The following TMEM163 variants were observed in gnomAD, a reference collection of about 807,000 sequenced individuals.
TMEM163 encodes the protein transmembrane protein 163.
A neutral mutation model predicts 29.3 loss-of-function variants in TMEM163; 17 were observed. The ratio of observed to expected loss-of-function variants is 0.58; its 90% CI spans 0.40 to 0.87. The LOEUF is 0.87. Ranked by LOEUF, TMEM163 falls within the 40% of genes least tolerant of loss-of-function variation. The pLI, the probability that TMEM163 is intolerant of heterozygous loss-of-function variation, is 0.00. For synonymous variants in TMEM163, 157 were observed against 160.6 expected (o/e 0.98, Z 0.17); for missense variants, 303 against 381.5 (o/e 0.79, Z 1.71).
At chr2:134,665,869 C>T (rs550798621) in intron 2 of TMEM163, among the ~76,000 whole-genome samples, 2 of 152,180 alleles carry the variant, frequency 1.3e-5, no homozygotes, top group African/African-American at 4.8e-5. Flanking sequence ...TAAGCTCCAC[C>T]TGGCTTGTGG....
At chr2:134,542,660 G>T (rs1680701813) in intron 4 of TMEM163, among the ~76,000 whole-genome samples, 1 of 152,082 alleles carries the variant, frequency 6.6e-6, no homozygotes, top group Non-Finnish European at 1.5e-5. Context: ...CCCAACCCCA[G>T]TCCGCGGAAA....
At chr2:134,554,556 C>T (rs906400211) in intron 2 of TMEM163, among the ~76,000 whole-genome samples, 33 of 152,194 alleles carry the variant, frequency 2.2e-4, no homozygotes, top group African/African-American at 7.7e-4. Context: ...TCCCCCGACT[C>T]GCTATGGCAG....
At chr2:134,556,027 G>T (rs1160067561) in intron 2 of TMEM163, among the ~76,000 whole-genome samples, 1 of 152,186 alleles carries the variant, frequency 6.6e-6, no homozygotes, top group East Asian at 1.9e-4. Context: ...ATATTGGAAC[G>T]GGGATGTCTT....
intron 5 of TMEM163, among the ~76,000 whole-genome samples, chr2:134,482,287 T>G (rs1342233926): frequency 6.6e-6 from 1 of 152,154 alleles, no homozygotes; most frequent in Non-Finnish European, 1.5e-5. Context: ...TTAAGCTTAT[T>G]CCTCATCAAG....
intron 2 of TMEM163, among the ~76,000 whole-genome samples, chr2:134,628,408 C>G (rs1229549090): frequency 2.0e-5 from 3 of 152,262 alleles, no homozygotes; most frequent in Non-Finnish European, 4.4e-5. Flanking sequence ...TTGCAATAGT[C>G]TCTCTGGTAA....
intron 4 of TMEM163, among the ~76,000 whole-genome samples, chr2:134,537,978 A>T (rs1458058876): frequency 1.3e-5 from 2 of 152,238 alleles, no homozygotes; most frequent in Non-Finnish European, 2.9e-5. Context: ...GTTGGCAAGG[A>T]TGAGAAGTTG....
At chr2:134,570,576 C>T (rs1681400551) in intron 2 of TMEM163, among the ~76,000 whole-genome samples, 2 of 151,876 alleles carry the variant, frequency 1.3e-5, no homozygotes, top group Middle Eastern at 3.4e-3. Flanking sequence ...AAAAGAAAGC[C>T]TCTTTTTTTC....
intron 6 of TMEM163, among the ~76,000 whole-genome samples, chr2:134,461,944 A>T (rs754372126): frequency 1.3e-5 from 2 of 152,182 alleles, no homozygotes; most frequent in Non-Finnish European, 1.5e-5. Context: ...TTCCAAAGTG[A>T]GGAAAGAACA....
chr2:134,705,213 A>T (rs945896870), intron 2 of TMEM163, among the ~76,000 whole-genome samples: 2 of 152,004 alleles, frequency 1.3e-5, no homozygotes, highest in Admixed American at 6.6e-5. Context: ...CCATCTCAAA[A>T]AAAAAAAAAA....
intron 4 of TMEM163, among the ~76,000 whole-genome samples, chr2:134,514,544 T>A (rs1680015450): frequency 6.6e-6 from 1 of 152,170 alleles, no homozygotes; most frequent in Non-Finnish European, 1.5e-5. Context: ...CTGGGCCACA[T>A]GGTCAATGCA....
chr2:134,628,523 T>G (rs1406734918), intron 2 of TMEM163, among the ~76,000 whole-genome samples: 1 of 152,234 alleles, frequency 6.6e-6, no homozygotes, highest in Non-Finnish European at 1.5e-5. Flanking sequence ...TCTGAGGGAC[T>G]GGAGTGTGAT....
At chr2:134,702,430 A>C (rs886736608) in intron 2 of TMEM163, among the ~76,000 whole-genome samples, 8 of 152,328 alleles carry the variant, frequency 5.3e-5, no homozygotes, top group African/African-American at 1.9e-4. Flanking sequence ...AGACTGCTTG[A>C]GCCCAGGACT....
intron 2 of TMEM163, among the ~76,000 whole-genome samples, chr2:134,568,298 G>T (rs1038601035): frequency 6.6e-6 from 1 of 152,144 alleles, no homozygotes. Flanking sequence ...GCAGAGGCAG[G>T]CAGGTCACTT....
At chr2:134,555,521 C>T (rs1681031131) in intron 2 of TMEM163, among the ~76,000 whole-genome samples, 1 of 152,206 alleles carries the variant, frequency 6.6e-6, no homozygotes, top group East Asian at 1.9e-4. Flanking sequence ...GTTCTGAACT[C>T]GGACAATTAT....
At chr2:134,651,887 C>A (rs1683487937) in intron 2 of TMEM163, among the ~76,000 whole-genome samples, 1 of 113,108 alleles carries the variant, frequency 8.8e-6, no homozygotes, top group South Asian at 3.3e-4. Flanking sequence ...GGGCTCTGTT[C>A]TGTTCCATTG....
intron 5 of TMEM163, among the ~76,000 whole-genome samples, chr2:134,496,084 C>T (rs483932): frequency 0.02 from 2,958 of 147,782 alleles, 47 homozygotes; most frequent in Middle Eastern, 0.039. Flanking sequence ...TTTTTTGAGA[C>T]GGAGTCTCGC....
At chr2:134,628,825 G>A (rs1052438583) in intron 2 of TMEM163, among the ~76,000 whole-genome samples, 1 of 152,180 alleles carries the variant, frequency 6.6e-6, no homozygotes, top group Admixed American at 6.5e-5. Context: ...TCTGAGTCTT[G>A]TGGGTCCTTC....
At chr2:134,491,967 C>G (rs1679439309) in intron 5 of TMEM163, among the ~76,000 whole-genome samples, 1 of 152,176 alleles carries the variant, frequency 6.6e-6, no homozygotes, top group Admixed American at 6.5e-5. Flanking sequence ...GCCCGTGCTT[C>G]CAGAGGTTTA....
intron 2 of TMEM163, among the ~76,000 whole-genome samples, chr2:134,625,639 C>T (rs1682832882): frequency 6.6e-6 from 1 of 152,266 alleles, no homozygotes; most frequent in Admixed American, 6.5e-5. Flanking sequence ...AGCTCAAAAC[C>T]CAAATAGGTC....
Sources: allele counts gnomAD v4.1 joint callset (sites outside exome capture counted in the v4.1 genomes callset), GRCh38; gene constraint gnomAD v4.1.1; transcripts MANE v1.5; gene names NCBI Gene and HGNC (gene_info 2026-07-23, HGNC 2026-07-21).